ST6GAL2: variants seen among roughly 807,000 people sequenced by gnomAD.
ST6GAL2 encodes beta-galactoside alpha-2,6-sialyltransferase 2.
Under a neutral mutation model 37.5 loss-of-function variants are expected in ST6GAL2, and 24 were observed. The observed-to-expected ratio is 0.64, with a 90% CI of 0.46 to 0.90. The LOEUF (loss-of-function observed/expected upper bound fraction) is 0.90. Among genes scored for constraint, ST6GAL2 ranks in the 40% least tolerant of loss-of-function variants. The probability of loss-of-function intolerance (pLI) is 0.00; values close to 1 mark genes in which losing one functional copy is unlikely to be tolerated. For synonymous variants in ST6GAL2, 306 were observed against 295.1 expected, an observed-to-expected ratio of 1.04 and a Z score of -0.38; for missense variants, 715 against 712.7, an observed-to-expected ratio of 1.00 and a Z score of -0.04.
intron 5 of ST6GAL2, among the ~76,000 whole-genome samples, chr2:106,826,948 C>CT (rs1206099667): frequency 6.6e-6 from 1 of 152,200 alleles, no homozygotes; most frequent in Non-Finnish European, 1.5e-5. Context: ...GCCAGGGACA[C>CT]TGCCAGGGTG....
chr2:106,863,568 C>T (rs775234346), intron 1 of ST6GAL2, among the ~76,000 whole-genome samples: 26 of 152,138 alleles, frequency 1.7e-4, no homozygotes, highest in Non-Finnish European at 3.4e-4. Context: ...ACCTGTAGAA[C>T]GTGTAGGCAG....
At chr2:106,883,615 G>A (rs1397588850) in intron 1 of ST6GAL2, among the ~76,000 whole-genome samples, 1 of 152,010 alleles carries the variant, frequency 6.6e-6, no homozygotes, top group Non-Finnish European at 1.5e-5. Flanking sequence ...TCAATGCTTA[G>A]AAAATCAAAG....
rs1277601499 is a variant in ST6GAL2 at position 106,802,304 on chromosome 2, AAACC to A, written c.*4370_*4373del. On this transcript the variant is annotated 3_prime_UTR_variant, in exon 6 of 6. Coordinates refer to ENST00000409382, the MANE Select transcript of ST6GAL2 (RefSeq NM_001142351.2). ...AAAATATTGATGAAAAAGCAATATA[AAACC>A]AACCATGTGTGTAGATATGTATATA... is the stretch of plus-strand genomic sequence containing the variant. The A allele has an allele frequency of 6.6e-6, 1 of 152,220 alleles. No individual in the cohort carries two copies. Among genetic ancestry groups the A allele is most frequent in the African/African-American group, 2.4e-5 (1 of 41,468 alleles). 9.4% of individuals were successfully genotyped at this position (152,220 alleles called of 1,614,324 possible).
intron 5 of ST6GAL2, among the ~76,000 whole-genome samples, chr2:106,808,630 C>T (rs1450132845): frequency 1.3e-5 from 2 of 152,120 alleles, no homozygotes; most frequent in African/African-American, 4.8e-5. Context: ...AAGCAGTACC[C>T]CCCAGATGCT....
chr2:106,848,000 C>T (rs1391670288), intron 1 of ST6GAL2, among the ~76,000 whole-genome samples: 3 of 151,642 alleles, frequency 2.0e-5, no homozygotes, highest in African/African-American at 7.3e-5. Flanking sequence ...CCGGGCAGCC[C>T]AAAGTTCAAA....
intron 1 of ST6GAL2, among the ~76,000 whole-genome samples, chr2:106,884,934 T>TATACACAC (rs1425070594): frequency 1.5e-3 from 180 of 120,452 alleles, no homozygotes; most frequent in African/African-American, 5.6e-3. Context: ...TATATATATA[T>TATACACAC]ACATACACAC....
At chr2:106,872,720 G>A (rs1489568328) in intron 1 of ST6GAL2, among the ~76,000 whole-genome samples, 2 of 151,814 alleles carry the variant, frequency 1.3e-5, no homozygotes, top group East Asian at 1.9e-4. Context: ...TCCTGCCTCA[G>A]CCTCCTGAGT....
chr2:106,804,183 G>A lies in ST6GAL2; in HGVS notation c.*2495C>T, dbSNP rs1462246501. The stretch of plus-strand genomic sequence containing the variant: ...TCTTTCTTGTAACCTCAATGAAACT[G>A]AAAGTACTATTTTAAAAGTACAATG... On this transcript the variant is annotated 3_prime_UTR_variant, in exon 6 of 6. Transcript: ENST00000409382. 1 of 152,028 alleles carries A rather than the reference G, an allele frequency of 6.6e-6. No individual in the cohort carries two copies. The highest frequency in any genetic ancestry group is 2.4e-5 in the African/African-American group (1 of 41,422). The allele number at this position is 152,028 out of a possible 1,614,324, so 9.4% of individuals were successfully genotyped here. A position where few individuals can be genotyped will look rare whatever the true frequency, so the allele number is the denominator to read the frequency against.
At chr2:106,881,649 TAG>T (rs1333423661) in intron 1 of ST6GAL2, among the ~76,000 whole-genome samples, 1 of 152,248 alleles carries the variant, frequency 6.6e-6, no homozygotes, top group Non-Finnish European at 1.5e-5. Flanking sequence ...TAAGTCATTT[TAG>T]AAACCACAAT....
chr2:106,834,252 C>G, intron 2 of ST6GAL2, 106 bp from the exon 3 acceptor site: 1 of 737,360 alleles, frequency 1.4e-6, no homozygotes, highest in South Asian at 1.6e-5. Context: ...AATTATACAT[C>G]ACCAATAAAG....
chr2:106,842,584 C>G (rs1019773681), intron 2 of ST6GAL2, among the ~76,000 whole-genome samples: 1 of 152,194 alleles, frequency 6.6e-6, no homozygotes, highest in African/African-American at 2.4e-5. Context: ...GCTTTCTTGC[C>G]TCCTCCTCTT....
intron 1 of ST6GAL2, among the ~76,000 whole-genome samples, chr2:106,868,569 A>G (rs1485486125): frequency 6.6e-6 from 1 of 152,238 alleles, no homozygotes; most frequent in African/African-American, 2.4e-5. Flanking sequence ...AGATCGCTGC[A>G]CCGGAAGCCT....
At chr2:106,849,132 C>A (rs2104541186) in intron 1 of ST6GAL2, among the ~76,000 whole-genome samples, 1 of 152,322 alleles carries the variant, frequency 6.6e-6, no homozygotes, top group East Asian at 1.9e-4. Flanking sequence ...CAGCCTCAAG[C>A]TTTGCGCTCA....
chr2:106,813,209 A>G (rs1675677954), intron 5 of ST6GAL2: 7 of 1,373,100 alleles, frequency 5.1e-6, no homozygotes, highest in Admixed American at 3.4e-5. Context: ...GATATGGCCA[A>G]TTTTTACAAA....
intron 2 of ST6GAL2, chr2:106,834,714 G>A (rs2104482860): frequency 6.5e-6 from 1 of 152,736 alleles, no homozygotes; most frequent in Middle Eastern, 3.4e-3. Context: ...ATGGCAAGAA[G>A]ACCTGTGTGA....
intron 1 of ST6GAL2, among the ~76,000 whole-genome samples, chr2:106,876,898 A>G (rs1335181286): frequency 6.6e-6 from 1 of 152,196 alleles, no homozygotes; most frequent in Non-Finnish European, 1.5e-5. Context: ...ATGTGGACAG[A>G]AGCAGCACAT....
intron 2 of ST6GAL2, among the ~76,000 whole-genome samples, chr2:106,839,986 C>G (rs1676808396): frequency 6.6e-6 from 1 of 152,128 alleles, no homozygotes; most frequent in Admixed American, 6.5e-5. Flanking sequence ...CCAGTTCCAA[C>G]AGAAGGGTAG....
intron 1 of ST6GAL2, among the ~76,000 whole-genome samples, chr2:106,846,504 C>T (rs2104531916): frequency 6.6e-6 from 1 of 152,126 alleles, no homozygotes; most frequent in East Asian, 1.9e-4. Flanking sequence ...CTATCTTATA[C>T]CCATAATAAT....
At chr2:106,829,737 G>T (rs1676341418) in intron 5 of ST6GAL2, among the ~76,000 whole-genome samples, 1 of 151,788 alleles carries the variant, frequency 6.6e-6, no homozygotes, top group East Asian at 1.9e-4. Context: ...CCTGTTAATG[G>T]CTCTTACTAT....
Sources: allele counts gnomAD v4.1 joint callset (sites outside exome capture counted in the v4.1 genomes callset), GRCh38; gene constraint gnomAD v4.1.1; transcripts MANE v1.5; gene names NCBI Gene and HGNC (gene_info 2026-07-23, HGNC 2026-07-21).